Variants in RAB27B observed in about 807,000 individuals in gnomAD.
The protein encoded by RAB27B is ras-related protein Rab-27B.
RAB27B carries 15 observed loss-of-function variants against 24.6 expected under a neutral mutation model. That is an observed-to-expected ratio of 0.61 (90% CI 0.41 to 0.94). The LOEUF is 0.94. Ranked by LOEUF, RAB27B falls within the 40% of genes least tolerant of loss-of-function variation. RAB27B has a pLI of 0.00. For missense variants in RAB27B, 261 were observed against 266.8 expected, an observed-to-expected ratio of 0.98 and a Z score of 0.15; for synonymous variants, 105 against 92.5, an observed-to-expected ratio of 1.14 and a Z score of -0.78.
chr18:54,883,244 C>G (rs1482786441), intron 3 of RAB27B, among the ~76,000 whole-genome samples: 1 of 152,092 alleles, frequency 6.6e-6, no homozygotes, highest in Non-Finnish European at 1.5e-5. Flanking sequence ...ACATCTGGAT[C>G]TCTAATTTTG....
intron 2 of RAB27B, among the ~76,000 whole-genome samples, chr18:54,733,756 T>G (rs1216408287): frequency 6.7e-6 from 1 of 148,488 alleles, no homozygotes; most frequent in East Asian, 2.1e-4. Context: ...AACTCACATA[T>G]GTTCCTTAAT....
chr18:54,771,351 G>A (rs1040514158), intron 2 of RAB27B, among the ~76,000 whole-genome samples: 3 of 147,694 alleles, frequency 2.0e-5, no homozygotes, highest in Admixed American at 1.3e-4. Context: ...TGAAGGATAC[G>A]GAAGAGTCTA....
intron 2 of RAB27B, among the ~76,000 whole-genome samples, chr18:54,739,787 T>C (rs1910018765): frequency 6.6e-6 from 1 of 152,180 alleles, no homozygotes; most frequent in Non-Finnish European, 1.5e-5. Context: ...TTCGTATTCT[T>C]AATATTTTTA....
At chr18:54,793,803 C>T (rs996993831) in intron 2 of RAB27B, among the ~76,000 whole-genome samples, 9 of 152,134 alleles carry the variant, frequency 5.9e-5, no homozygotes, top group African/African-American at 1.9e-4. Context: ...CCGAACTATT[C>T]GGGAAGCAGA....
upstream of RAB27B, among the ~76,000 whole-genome samples, chr18:54,827,326 G>C (rs181828499): frequency 2.6e-5 from 4 of 152,322 alleles, no homozygotes; most frequent in East Asian, 7.7e-4. Flanking sequence ...TTACTGATAT[G>C]AAGTCAATTC....
At chr18:54,736,396 C>T in intron 2 of RAB27B, among the ~76,000 whole-genome samples, 1 of 151,904 alleles carries the variant, frequency 6.6e-6, no homozygotes, top group Admixed American at 6.6e-5. Context: ...AACTACTTTA[C>T]CATGGTTTTC....
Position 54,760,489 on chromosome 18 carries a change from T to C in RAB27B, c.-20+42348T>C, listed in dbSNP as rs1908150787. Among the ~76,000 whole-genome samples the C allele has an allele frequency of 2.0e-5, 3 of 152,140 alleles. No individual in the cohort carries two copies. The South Asian group carries it at 6.2e-4, about 32-fold the overall frequency. On this transcript the variant is annotated intron_variant, in intron 2 of 4. Transcript: ENST00000586570. Reference sequence around the variant, plus strand: ...TATACATAATTTAGGAAATACATAATTTAAAGTTTTGAAAATATCATTTTG... The same window carrying C: ...TATACATAATTTAGGAAATACATAACTTAAAGTTTTGAAAATATCATTTTG...
chr18:54,852,373 A>G lies in RAB27B; in HGVS notation c.-20+23673A>G, dbSNP rs979785820. 2.0e-5 allele frequency among the ~76,000 whole-genome samples: 3 copies of G among 152,208 alleles called. 1 individual carries two copies. The highest frequency in any genetic ancestry group is 7.2e-5 in the African/African-American group (3 of 41,456). ...GGATTCAAACCACATGTTTAACCCC[A>G]AATTCTTAGTAAGGATACTTCTCAA... On this transcript the variant is annotated intron_variant, in intron 1 of 5. Transcript: ENST00000262094.
At chr18:54,888,510 CTG>C (rs932247247) in intron 5 of RAB27B, among the ~76,000 whole-genome samples, 11 of 152,066 alleles carry the variant, frequency 7.2e-5, no homozygotes, top group Admixed American at 6.6e-4. Flanking sequence ...CTCTTAAACA[CTG>C]TATTCTTCTG....
chr18:54,754,118 G>T (rs1193845841), intron 2 of RAB27B, among the ~76,000 whole-genome samples: 1 of 152,062 alleles, frequency 6.6e-6, no homozygotes, highest in Non-Finnish European at 1.5e-5. Flanking sequence ...CAGGTGTTGA[G>T]GGAGAGACCG....
intron 2 of RAB27B, among the ~76,000 whole-genome samples, chr18:54,734,398 A>G (rs576141835): frequency 4.6e-5 from 7 of 152,248 alleles, no homozygotes; most frequent in Admixed American, 3.9e-4. Flanking sequence ...CCAGACACCA[A>G]TTCTAGCCTA....
intron 1 of RAB27B, among the ~76,000 whole-genome samples, chr18:54,831,266 A>G (rs1180153533): frequency 1.3e-5 from 2 of 152,076 alleles, no homozygotes; most frequent in Non-Finnish European, 2.9e-5. Context: ...ATCCATGTAG[A>G]TATGTGGAGG....
intron 2 of RAB27B, among the ~76,000 whole-genome samples, chr18:54,759,750 G>A (rs1908123322): frequency 6.6e-6 from 1 of 152,188 alleles, no homozygotes; most frequent in South Asian, 2.1e-4. Context: ...AAGAAGAGAA[G>A]AGAAGCAGCA....
At chr18:54,849,809 C>G (rs1185043384) in intron 1 of RAB27B, among the ~76,000 whole-genome samples, 1 of 152,108 alleles carries the variant, frequency 6.6e-6, no homozygotes, top group Non-Finnish European at 1.5e-5. Context: ...CTTTTTGAAA[C>G]CATTTACAAA....
intron 1 of RAB27B, among the ~76,000 whole-genome samples, chr18:54,832,801 A>C (rs1910736645): frequency 6.6e-6 from 1 of 152,196 alleles, no homozygotes; most frequent in South Asian, 2.1e-4. Flanking sequence ...CAGTGAGATG[A>C]GGACAGAGAA....
At chr18:54,849,488 G>T (rs1911469505) in intron 1 of RAB27B, among the ~76,000 whole-genome samples, 1 of 152,156 alleles carries the variant, frequency 6.6e-6, no homozygotes, top group Non-Finnish European at 1.5e-5. Flanking sequence ...GAGGCCGAGG[G>T]AGCGTGGATC....
intron 1 of RAB27B, among the ~76,000 whole-genome samples, chr18:54,865,237 TTGTGTGTG>T (rs3060044): frequency 8.4e-4 from 121 of 143,482 alleles, no homozygotes; most frequent in Admixed American, 1.4e-3. Context: ...CAATGGCCTT[TTGTGTGTG>T]TGTGTGTGTG....
At chr18:54,868,603 C>CGTTGTTGTT (rs9319919) in intron 1 of RAB27B, among the ~76,000 whole-genome samples, 31,342 of 150,898 alleles carry the variant, frequency 0.21, 3,341 homozygotes, top group Middle Eastern at 0.24. Context: ...CTCTCAGTTT[C>CGTTGTTGTT]GTTGTTGTTG....
chr18:54,776,137 A>G (rs532862277), intron 2 of RAB27B, among the ~76,000 whole-genome samples: 75 of 152,368 alleles, frequency 4.9e-4, no homozygotes, highest in African/African-American at 1.8e-3. Flanking sequence ...AGAAAATGTC[A>G]TAGAAAGTAG....
Sources: gnomAD v4.1 joint callset for allele counts (sites outside exome capture counted in the v4.1 genomes callset) on GRCh38, gnomAD v4.1.1 for gene constraint, MANE v1.5 for transcripts, NCBI Gene and HGNC (gene_info 2026-07-23, HGNC 2026-07-21) for gene names.